The following FAM171A1 variants were observed in gnomAD, a reference collection of about 807,000 sequenced individuals.
FAM171A1 encodes the protein family with sequence similarity 171 member A1.
In FAM171A1, 23 loss-of-function variants were observed where a neutral mutation model predicts 74.9. The ratio of observed to expected loss-of-function variants is 0.31; its 90% confidence interval spans 0.22 to 0.44. FAM171A1 has a LOEUF of 0.44. Among genes scored for constraint, FAM171A1 ranks in the 20% least tolerant of loss-of-function variants. The probability of loss-of-function intolerance (pLI) is 1.00; values close to 1 mark genes in which losing one functional copy is unlikely to be tolerated. For missense variants in FAM171A1, 1,162 were observed against 1,159.2 expected, an observed-to-expected ratio of 1.00 and a Z score of -0.03; for synonymous variants, 527 against 505.7, an observed-to-expected ratio of 1.04 and a Z score of -0.57.
intron 4 of FAM171A1, among the ~76,000 whole-genome samples, chr10:15,254,313 A>T (rs912596428): frequency 8.6e-5 from 13 of 151,938 alleles, no homozygotes; most frequent in African/African-American, 3.1e-4. Flanking sequence ...TACCAGCCCC[A>T]CCCACCCACA....
At chr10:15,251,933 G>A (rs61844250) in intron 4 of FAM171A1, among the ~76,000 whole-genome samples, 453 of 152,260 alleles carry the variant, frequency 3.0e-3, no homozygotes, top group Non-Finnish European at 4.7e-3. Context: ...TGGCCCAAGC[G>A]AGGAGAGGAG....
intron 5 of FAM171A1, among the ~76,000 whole-genome samples, chr10:15,228,627 G>A (rs1173578218): frequency 6.6e-6 from 1 of 152,166 alleles, no homozygotes; most frequent in South Asian, 2.1e-4. Context: ...GGTTGCAGGC[G>A]TGCGCCCCGC....
intron 3 of FAM171A1, among the ~76,000 whole-genome samples, chr10:15,263,913 ATCCT>A (rs1390339312): frequency 6.7e-6 from 1 of 150,340 alleles, no homozygotes; most frequent in African/African-American, 2.5e-5. Context: ...CTATCCGTCC[ATCCT>A]TCCGTCCGTC....
intron 5 of FAM171A1, chr10:15,237,609 C>G (rs1477322777): frequency 6.6e-6 from 1 of 152,192 alleles, no homozygotes; most frequent in Non-Finnish European, 1.5e-5. Flanking sequence ...GCAACAGACA[C>G]CAACTGGCAT....
At chr10:15,297,544 C>T (rs1183463748) in intron 1 of FAM171A1, among the ~76,000 whole-genome samples, 4 of 152,216 alleles carry the variant, frequency 2.6e-5, no homozygotes, top group Middle Eastern at 3.4e-3. Context: ...ATTGATGATC[C>T]TCCCATTAAC....
rs373136244 is a variant in FAM171A1 at position 15,212,909 on chromosome 10, G to T, written c.*6C>A. 6.2e-7 allele frequency: 1 copy of T among 1,613,622 alleles called. No individual in the cohort carries two copies. The highest frequency in any genetic ancestry group is 1.1e-5 in the South Asian group (1 of 91,010). The stretch of plus-strand genomic sequence containing the variant: ...ATATTCCACAGTCAGGTGGGTCTGC[G>T]ATAGCTCATTTAATGTTAAACGCCA... On this transcript the variant is annotated 3_prime_UTR_variant, in exon 8 of 8. Coordinates refer to ENST00000378116, the MANE Select transcript of FAM171A1 (RefSeq NM_001010924.2).
At chr10:15,242,574 G>T (rs568074661) in intron 5 of FAM171A1, among the ~76,000 whole-genome samples, 19 of 152,344 alleles carry the variant, frequency 1.2e-4, no homozygotes, top group African/African-American at 4.1e-4. Context: ...CTTGAGGCCA[G>T]GAATTTGAGA....
chr10:15,369,348 C>T (rs536576266), intron 1 of FAM171A1, among the ~76,000 whole-genome samples: 1 of 151,920 alleles, frequency 6.6e-6, no homozygotes, highest in East Asian at 1.9e-4. Context: ...TTAACGGCCT[C>T]GCTGAAGTGC....
rs141882479 is a variant in FAM171A1, at chr10:15,315,195, C to T, written c.98-31090G>A. Among the ~76,000 whole-genome samples, 311 of 152,280 alleles carry T rather than the reference C, an allele frequency of 2.0e-3. 2 individuals are homozygous for T. Among genetic ancestry groups the T allele is most frequent in the South Asian group, 0.011 (53 of 4,814 alleles). ...ACAGACAGACAACATTTCCGCCTGT[C>T]CTTGGATCCATCTAATATAGGAAGG... On this transcript the variant is annotated intron_variant, in intron 1 of 7. Coordinates refer to ENST00000378116, the MANE Select transcript of FAM171A1 (RefSeq NM_001010924.2).
At chr10:15,338,461 G>A (rs184838771) in intron 1 of FAM171A1, among the ~76,000 whole-genome samples, 2 of 152,258 alleles carry the variant, frequency 1.3e-5, no homozygotes, top group Admixed American at 1.3e-4. Flanking sequence ...CTAATGATTT[G>A]TTTTGACAAC....
intron 1 of FAM171A1, among the ~76,000 whole-genome samples, chr10:15,341,821 C>G (rs1229241233): frequency 6.6e-6 from 1 of 152,216 alleles, no homozygotes; most frequent in Non-Finnish European, 1.5e-5. Flanking sequence ...GGTGGGACAT[C>G]ACTGCCTAGA....
chr10:15,306,963 C>T (rs554048617), intron 1 of FAM171A1, among the ~76,000 whole-genome samples: 1 of 152,324 alleles, frequency 6.6e-6, no homozygotes, highest in East Asian at 1.9e-4. Context: ...CAAAAACACT[C>T]AGTGATTCTG....
chr10:15,251,219 G>A (rs150124378), intron 4 of FAM171A1, among the ~76,000 whole-genome samples: 3 of 152,290 alleles, frequency 2.0e-5, no homozygotes, highest in Non-Finnish European at 4.4e-5. Context: ...GGACAGCAAT[G>A]TGCATTAGGT....
chr10:15,306,862 G>A (rs1391627937), intron 1 of FAM171A1, among the ~76,000 whole-genome samples: 3 of 152,108 alleles, frequency 2.0e-5, no homozygotes, highest in Admixed American at 2.0e-4. Context: ...CCTTCTCACC[G>A]GAACTAAGTC....
intron 6 of FAM171A1, among the ~76,000 whole-genome samples, chr10:15,219,062 C>T (rs1304682036): frequency 2.0e-5 from 3 of 152,092 alleles, no homozygotes; most frequent in African/African-American, 7.2e-5. Flanking sequence ...GCGGGGGGAT[C>T]ACCGGAGGTC....
At chr10:15,272,961 C>G (rs1010697971) in intron 3 of FAM171A1, among the ~76,000 whole-genome samples, 2 of 152,080 alleles carry the variant, frequency 1.3e-5, no homozygotes, top group Non-Finnish European at 2.9e-5. Context: ...AATTGACACC[C>G]TAACATCACA....
intron 1 of FAM171A1, among the ~76,000 whole-genome samples, chr10:15,292,893 C>T (rs894288738): frequency 1.1e-5 from 1 of 94,472 alleles, no homozygotes; most frequent in Non-Finnish European, 2.0e-5. Flanking sequence ...ATCTAATACC[C>T]AGCACTTATT....
chr10:15,270,255 C>CA (rs1834805461), intron 3 of FAM171A1, among the ~76,000 whole-genome samples: 1 of 152,202 alleles, frequency 6.6e-6, no homozygotes, highest in Non-Finnish European at 1.5e-5. Context: ...CAGAGGGTCC[C>CA]ACGCCCATGG....
chr10:15,336,065 C>A (rs1835696054), intron 1 of FAM171A1, among the ~76,000 whole-genome samples: 1 of 151,966 alleles, frequency 6.6e-6, no homozygotes. Flanking sequence ...TTATGAGTGA[C>A]AACTGTGAAA....
Sources: allele counts gnomAD v4.1 joint callset (sites outside exome capture counted in the v4.1 genomes callset), GRCh38; gene constraint gnomAD v4.1.1; transcripts MANE v1.5; gene names NCBI Gene and HGNC (gene_info 2026-07-23, HGNC 2026-07-21).